NUP93: variants seen among roughly 807,000 people sequenced by gnomAD.
The protein encoded by NUP93 is nuclear pore complex protein Nup93.
NUP93 carries 55 observed loss-of-function variants against 107.8 expected under a neutral mutation model. The observed-to-expected ratio is 0.51, with a 90% confidence interval of 0.41 to 0.64. The LOEUF (loss-of-function observed/expected upper bound fraction) is 0.64. Ranked by LOEUF, NUP93 falls within the 30% of genes least tolerant of loss-of-function variation. The pLI is 0.00. For synonymous variants in NUP93, 390 were observed against 397.5 expected, an observed-to-expected ratio of 0.98 and a Z score of 0.22; for missense variants, 937 against 1,044.7, an observed-to-expected ratio of 0.90 and a Z score of 1.42.
intron 3 of NUP93, among the ~76,000 whole-genome samples, chr16:56,779,506 G>A (rs577573849): frequency 5.3e-5 from 8 of 152,270 alleles, no homozygotes; most frequent in South Asian, 4.1e-4. Context: ...AGTTAGTGAC[G>A]AGTAAGTAGA....
chr16:56,802,609 T>A (rs1963045337), intron 4 of NUP93, among the ~76,000 whole-genome samples: 1 of 152,186 alleles, frequency 6.6e-6, no homozygotes, highest in African/African-American at 2.4e-5. Context: ...GTATGTCTGA[T>A]GTCCTTTTTC....
At chr16:56,819,664 C>A (rs1217125335) in intron 6 of NUP93, among the ~76,000 whole-genome samples, 1 of 152,188 alleles carries the variant, frequency 6.6e-6, no homozygotes, top group African/African-American at 2.4e-5. Context: ...ACTGTTAGAC[C>A]CTGTGCTCTT....
At chr16:56,739,439 A>G (rs1961670624) in intron 1 of NUP93, among the ~76,000 whole-genome samples, 1 of 63,794 alleles carries the variant, frequency 1.6e-5, no homozygotes, top group African/African-American at 6.8e-5. Flanking sequence ...CTGGCCGGGC[A>G]GAGGGGCTCC....
At chr16:56,807,434 T>C (rs533144690) in intron 5 of NUP93, among the ~76,000 whole-genome samples, 1 of 152,354 alleles carries the variant, frequency 6.6e-6, no homozygotes, top group South Asian at 2.1e-4. Flanking sequence ...TTTATGTCTT[T>C]ATATTGTCTC....
At chr16:56,765,801 A>G (rs1962206417) in intron 3 of NUP93, among the ~76,000 whole-genome samples, 1 of 152,222 alleles carries the variant, frequency 6.6e-6, no homozygotes. Flanking sequence ...TCACAGAGGC[A>G]GGCTAATGTG....
In NUP93 at chr16:56,846,185, G is replaced by GCAGT. The variant is rs1964114410; in HGVS notation, c.*1576_*1577insCAGT. The GCAGT allele has an allele frequency of 7.1e-6, 1 of 141,096 alleles. No homozygotes were observed. The highest frequency in any genetic ancestry group is 2.5e-5 in the African/African-American group (1 of 39,306). The allele number at this position is 141,096 out of a possible 1,614,324, so 8.7% of individuals were successfully genotyped here. On this transcript the variant is annotated 3_prime_UTR_variant, in exon 22 of 22. Coordinates refer to ENST00000308159, the MANE Select transcript of NUP93 (RefSeq NM_014669.5). ...CTAGCACTTTGGGAGGCCAAGGCAG[G>GCAGT]TGATCACCTGAGATCAGGAGTTCAA...
intron 4 of NUP93, among the ~76,000 whole-genome samples, chr16:56,802,814 T>G (rs1963049939): frequency 6.6e-6 from 1 of 152,242 alleles, no homozygotes; most frequent in Non-Finnish European, 1.5e-5. Flanking sequence ...CCAATCTGAT[T>G]GTAAATGAAA....
chr16:56,776,663 A>G (rs1962421801), intron 3 of NUP93, among the ~76,000 whole-genome samples: 1 of 152,380 alleles, frequency 6.6e-6, no homozygotes, highest in African/African-American at 2.4e-5. Flanking sequence ...GTTCTTGTGC[A>G]ACCACCACCA....
intron 4 of NUP93, among the ~76,000 whole-genome samples, chr16:56,802,708 C>CA (rs1409292612): frequency 6.6e-6 from 1 of 152,182 alleles, no homozygotes; most frequent in Non-Finnish European, 1.5e-5. Flanking sequence ...CCCCAAAGCT[C>CA]ATGCATATCA....
chr16:56,837,548 A>T, intron 17 of NUP93, 60 bp from the exon 18 acceptor site: 1 of 1,332,682 alleles, frequency 7.5e-7, no homozygotes, highest in Non-Finnish European at 1.1e-6. Context: ...GGCATTATAT[A>T]GTTGTTCCTT....
intron 2 of NUP93, among the ~76,000 whole-genome samples, chr16:56,756,804 A>G (rs150849257): frequency 1.3e-5 from 2 of 152,218 alleles, no homozygotes; most frequent in Non-Finnish European, 1.5e-5. Context: ...GCCAACATCT[A>G]TTATTTCCTG....
At chr16:56,823,573 A>G (rs1963593510) in intron 7 of NUP93, 134 bp from the exon 8 acceptor site, 4 of 1,050,292 alleles carry the variant, frequency 3.8e-6, no homozygotes, top group Non-Finnish European at 4.2e-6. Context: ...GCTTAAGCCT[A>G]GCCGTCACAG....
At chr16:56,802,066 G>A (rs1324873926) in intron 4 of NUP93, among the ~76,000 whole-genome samples, 1 of 152,156 alleles carries the variant, frequency 6.6e-6, no homozygotes, top group African/African-American at 2.4e-5. Flanking sequence ...ACTTTGTGGT[G>A]TGCTCACCCC....
intron 7 of NUP93, among the ~76,000 whole-genome samples, chr16:56,823,388 T>A (rs1963589126): frequency 6.6e-6 from 1 of 152,246 alleles, no homozygotes; most frequent in South Asian, 2.1e-4. Flanking sequence ...TCTGAAGGGA[T>A]AACCCACTGA....
intron 2 of NUP93, among the ~76,000 whole-genome samples, chr16:56,757,848 A>G (rs2144480738): frequency 6.6e-6 from 1 of 152,322 alleles, no homozygotes; most frequent in South Asian, 2.1e-4. Flanking sequence ...TCCTTAGCTC[A>G]TGAATGACGT....
At chr16:56,832,059 A>C in intron 11 of NUP93, 52 bp downstream of exon 11, 1 of 1,598,880 alleles carries the variant, frequency 6.3e-7, no homozygotes. Context: ...TTCTGTGCTC[A>C]AGTCCCCGCA....
intron 3 of NUP93, among the ~76,000 whole-genome samples, chr16:56,778,386 G>A (rs1962454077): frequency 6.6e-6 from 1 of 152,126 alleles, no homozygotes; most frequent in Non-Finnish European, 1.5e-5. Context: ...GAGTGTAGGC[G>A]GCAGGTGTTG....
chr16:56,771,071 A>G (rs1280100090), intron 3 of NUP93, among the ~76,000 whole-genome samples: 1 of 152,162 alleles, frequency 6.6e-6, no homozygotes, highest in African/African-American at 2.4e-5. Context: ...ACATCATTTC[A>G]TTGTCCCCTC....
At chr16:56,818,814 T>A in intron 6 of NUP93, 76 bp downstream of exon 6, 1 of 1,279,678 alleles carries the variant, frequency 7.8e-7, no homozygotes, top group Non-Finnish European at 1.1e-6. Flanking sequence ...AAACAAAAAC[T>A]TGTAAAAGTC....
Sources: gnomAD v4.1 joint callset for allele counts (sites outside exome capture counted in the v4.1 genomes callset) on GRCh38, gnomAD v4.1.1 for gene constraint, MANE v1.5 for transcripts, NCBI Gene and HGNC (gene_info 2026-07-23, HGNC 2026-07-21) for gene names.